KCNH1: variants seen among roughly 807,000 people sequenced by gnomAD.
The protein encoded by KCNH1 is voltage-gated delayed rectifier potassium channel KCNH1.
A neutral mutation model predicts 69.2 loss-of-function variants in KCNH1; 27 were observed. The ratio of observed to expected loss-of-function variants is 0.39; its 90% CI spans 0.29 to 0.54. KCNH1 has a LOEUF of 0.54. Among genes scored for constraint, KCNH1 ranks in the 20% least tolerant of loss-of-function variants. The pLI is 0.68. For missense variants in KCNH1, 798 were observed against 1,261.6 expected (o/e 0.63, Z 5.57); for synonymous variants, 456 against 487.7 (o/e 0.93, Z 0.86).
intron 10 of KCNH1, among the ~76,000 whole-genome samples, chr1:210,732,744 C>T (rs533331019): frequency 5.8e-4 from 89 of 152,338 alleles, no homozygotes; most frequent in Middle Eastern, 3.4e-3. Flanking sequence ...TCACAGACAG[C>T]ACGTTCCTCA....
At position 210,680,283 on chromosome 1, in the gene KCNH1, A is replaced by C. The variant is rs1158346533; in HGVS notation, c.*2998T>G. The C allele has an allele frequency of 6.6e-6, 1 of 152,158 alleles. No homozygotes were observed. The highest frequency in any genetic ancestry group is 6.5e-5 in the Admixed American group (1 of 15,278). 9.4% of individuals were successfully genotyped at this position (152,158 alleles called of 1,614,324 possible). A position where few individuals can be genotyped will look rare whatever the true frequency, so the allele number is the denominator to read the frequency against. On this transcript the variant is annotated 3_prime_UTR_variant, in exon 11 of 11. Transcript: ENST00000271751. ...TGTCAGGATATTCTCTGGGAAATGG[A>C]GCTTCAATATGAATGACATTCAAAG...
At chr1:210,839,140 C>A (rs1201625123) in intron 7 of KCNH1, among the ~76,000 whole-genome samples, 2 of 152,078 alleles carry the variant, frequency 1.3e-5, no homozygotes, top group African/African-American at 4.8e-5. Flanking sequence ...TTCACAACAG[C>A]AAAGACATGG....
chr1:211,025,735 A>C (rs760946474), intron 5 of KCNH1, among the ~76,000 whole-genome samples: 3 of 152,090 alleles, frequency 2.0e-5, no homozygotes, highest in Non-Finnish European at 4.4e-5. Flanking sequence ...CTTCGACAGA[A>C]TCCATGGCTC....
At chr1:211,107,087 T>C (rs1285987808) in intron 2 of KCNH1, among the ~76,000 whole-genome samples, 167 bp downstream of exon 2, 2 of 152,196 alleles carry the variant, frequency 1.3e-5, no homozygotes, top group Non-Finnish European at 2.9e-5. Context: ...TACATCTGCT[T>C]TGATTTTCCC....
At chr1:210,985,538 G>A (rs1023658892) in intron 6 of KCNH1, among the ~76,000 whole-genome samples, 1 of 152,112 alleles carries the variant, frequency 6.6e-6, no homozygotes, top group Non-Finnish European at 1.5e-5. Flanking sequence ...ATTTCGTTAT[G>A]TACCCAGTAG....
At chr1:210,948,349 A>G (rs973710016) in intron 6 of KCNH1, among the ~76,000 whole-genome samples, 2 of 152,220 alleles carry the variant, frequency 1.3e-5, no homozygotes, top group Non-Finnish European at 2.9e-5. Flanking sequence ...GAATATGGCT[A>G]TGTAAATTAT....
chr1:210,738,544 C>CT (rs1042119744), intron 10 of KCNH1, among the ~76,000 whole-genome samples: 3 of 98,752 alleles, frequency 3.0e-5, no homozygotes, highest in Non-Finnish European at 6.3e-5. Flanking sequence ...CCTGGCTTGG[C>CT]TTTTTTGCTT....
At chr1:211,040,115 T>C (rs1408338677) in intron 5 of KCNH1, among the ~76,000 whole-genome samples, 2 of 145,556 alleles carry the variant, frequency 1.4e-5, no homozygotes, top group Non-Finnish European at 3.0e-5. Context: ...GGCGTGAACC[T>C]GGGAGGCAGA....
At chr1:210,984,413 T>A (rs1356352383) in intron 6 of KCNH1, among the ~76,000 whole-genome samples, 2 of 152,212 alleles carry the variant, frequency 1.3e-5, no homozygotes, top group Non-Finnish European at 2.9e-5. Context: ...TGTGGGTTTG[T>A]TATAGATAGC....
chr1:210,679,060 T>G lies in KCNH1; in HGVS notation c.*4221A>C, dbSNP rs1345841988. On this transcript the variant is annotated 3_prime_UTR_variant, in exon 11 of 11. Coordinates refer to ENST00000271751, the MANE Select transcript of KCNH1 (RefSeq NM_172362.3). ...CTTTTGAGCTGTAGGGGGTAGAAAT[T>G]AAAACTTCTCAACATGAACACCTTT... is the stretch of plus-strand genomic sequence containing the variant. 6.6e-6 allele frequency: 1 copy of G among 152,212 alleles called. No individual in the cohort carries two copies. The highest frequency in any genetic ancestry group is 1.9e-4 in the East Asian group (1 of 5,198). 9.4% of individuals were successfully genotyped at this position (152,212 alleles called of 1,614,324 possible).
intron 6 of KCNH1, among the ~76,000 whole-genome samples, chr1:210,999,696 G>C (rs1048073388): frequency 6.6e-6 from 1 of 152,124 alleles, no homozygotes; most frequent in African/African-American, 2.4e-5. Context: ...CCAAAGCCTG[G>C]CAGAGACACA....
At chr1:211,050,842 C>T (rs566223431) in intron 5 of KCNH1, among the ~76,000 whole-genome samples, 113 of 152,220 alleles carry the variant, frequency 7.4e-4, no homozygotes, top group African/African-American at 2.6e-3. Flanking sequence ...TTACTGAGGT[C>T]CCTACCAAGG....
At chr1:210,714,175 A>G (rs551136027) in intron 10 of KCNH1, among the ~76,000 whole-genome samples, 1 of 152,300 alleles carries the variant, frequency 6.6e-6, no homozygotes, top group Non-Finnish European at 1.5e-5. Flanking sequence ...TGTGGACTCC[A>G]ATCAACTTCT....
At chr1:210,956,725 T>C (rs1005782987) in intron 6 of KCNH1, among the ~76,000 whole-genome samples, 2 of 152,138 alleles carry the variant, frequency 1.3e-5, no homozygotes, top group African/African-American at 4.8e-5. Context: ...TATTCTCTGA[T>C]GGTAGTTTGT....
intron 7 of KCNH1, among the ~76,000 whole-genome samples, chr1:210,886,599 C>T (rs559485914): frequency 6.6e-6 from 1 of 151,818 alleles, no homozygotes; most frequent in Admixed American, 6.6e-5. Context: ...CAAACTTCTC[C>T]GAGCTAAAGG....
chr1:210,684,182 T>C, intron 10 of KCNH1, 44 bp from the exon 11 acceptor site: 1 of 1,479,812 alleles, frequency 6.8e-7, no homozygotes, highest in Non-Finnish European at 8.9e-7. Context: ...GTTAGCCACA[T>C]GCTGGCTGCA....
At chr1:210,770,857 G>A (rs1683740096) in intron 10 of KCNH1, among the ~76,000 whole-genome samples, 1 of 152,230 alleles carries the variant, frequency 6.6e-6, no homozygotes, top group Non-Finnish European at 1.5e-5. Context: ...CTTCACTGAG[G>A]CTACCACAGA....
intron 5 of KCNH1, among the ~76,000 whole-genome samples, chr1:211,054,697 G>GTTA (rs1690271397): frequency 6.6e-6 from 1 of 152,092 alleles, no homozygotes; most frequent in African/African-American, 2.4e-5. Context: ...AGCAGTTAAA[G>GTTA]TTATTAGCTT....
At chr1:210,837,112 C>G (rs533882999) in intron 7 of KCNH1, among the ~76,000 whole-genome samples, 2 of 152,302 alleles carry the variant, frequency 1.3e-5, no homozygotes, top group South Asian at 4.1e-4. Flanking sequence ...TCCTCAAAGG[C>G]TCCATGCTCT....
Sources: gnomAD v4.1 joint callset for allele counts (sites outside exome capture counted in the v4.1 genomes callset) on GRCh38, gnomAD v4.1.1 for gene constraint, MANE v1.5 for transcripts, NCBI Gene and HGNC (gene_info 2026-07-23, HGNC 2026-07-21) for gene names.